The following GDPD4 variants were observed in gnomAD, a reference collection of about 807,000 sequenced individuals.
The protein encoded by GDPD4 is glycerophosphodiester phosphodiesterase 6.
A neutral mutation model predicts 67.8 loss-of-function variants in GDPD4; 60 were observed. The observed-to-expected ratio is 0.88, with a 90% CI of 0.72 to 1.10. GDPD4 has a LOEUF of 1.10. Ranked by LOEUF, GDPD4 falls within the 50% of genes least tolerant of loss-of-function variation. GDPD4 has a pLI of 0.00. For missense variants in GDPD4, 623 were observed against 613.9 expected, an observed-to-expected ratio of 1.01 and a Z score of -0.16; for synonymous variants, 212 against 210.9, an observed-to-expected ratio of 1.00 and a Z score of -0.04.
chr11:77,242,479 C>T (rs1958687543), intron 13 of GDPD4, among the ~76,000 whole-genome samples: 1 of 152,008 alleles, frequency 6.6e-6, no homozygotes, highest in Non-Finnish European at 1.5e-5. Context: ...CCAGCAGGTA[C>T]CACTGTTATT....
intron 11 of GDPD4, among the ~76,000 whole-genome samples, chr11:77,255,618 T>C (rs993634543): frequency 7.2e-5 from 11 of 152,024 alleles, no homozygotes; most frequent in Non-Finnish European, 1.3e-4. Context: ...CCCAGTACTT[T>C]GGGAGGCCAA....
chr11:77,260,637 T>C (rs1959097910), intron 10 of GDPD4, among the ~76,000 whole-genome samples: 1 of 152,100 alleles, frequency 6.6e-6, no homozygotes, highest in Non-Finnish European at 1.5e-5. Flanking sequence ...ACAAGGGTGT[T>C]AAACAGTGTA....
chr11:77,274,047 A>C (rs1030138614), intron 5 of GDPD4, among the ~76,000 whole-genome samples: 1 of 152,228 alleles, frequency 6.6e-6, no homozygotes, highest in Admixed American at 6.5e-5. Context: ...CAGGCAACAT[A>C]AGCATAGTTT....
At chr11:77,279,220 G>T in intron 4 of GDPD4, 86 bp downstream of exon 4, 1 of 813,332 alleles carries the variant, frequency 1.2e-6, no homozygotes, top group Non-Finnish European at 2.1e-6. Flanking sequence ...AGAGTCCCCA[G>T]TACCAACTGG....
chr11:77,287,195 T>C (rs1371537397), intron 2 of GDPD4, 23 bp downstream of exon 2: 1 of 152,206 alleles, frequency 6.6e-6, no homozygotes, highest in Non-Finnish European at 1.5e-5. Flanking sequence ...GAAAATGTGG[T>C]CCAGCTCCTT....
At chr11:77,292,411 A>G (rs985291355) in intron 1 of GDPD4, among the ~76,000 whole-genome samples, 4 of 152,148 alleles carry the variant, frequency 2.6e-5, no homozygotes, top group African/African-American at 9.7e-5. Context: ...ACTGAATAGA[A>G]ATGAAAACAC....
chr11:77,238,623 C>T (rs1160416767), intron 13 of GDPD4, among the ~76,000 whole-genome samples: 2 of 151,576 alleles, frequency 1.3e-5, no homozygotes, highest in Non-Finnish European at 2.9e-5. Flanking sequence ...TGAATTTCAC[C>T]TCAATACAAT....
intron 16 of GDPD4, among the ~76,000 whole-genome samples, chr11:77,222,607 G>T (rs1263179899): frequency 6.6e-6 from 1 of 152,224 alleles, no homozygotes; most frequent in African/African-American, 2.4e-5. Flanking sequence ...TCCGCTGTTA[G>T]TCTGATGGGC....
chr11:77,242,094 G>A (rs1182585938), intron 13 of GDPD4, among the ~76,000 whole-genome samples: 1 of 144 alleles, frequency 6.9e-3, no homozygotes, highest in Admixed American at 0.1. Flanking sequence ...GTTAGATAGA[G>A]GGAAATGTTT....
chr11:77,268,324 G>T, intron 10 of GDPD4, 133 bp downstream of exon 10: 1 of 669,152 alleles, frequency 1.5e-6, no homozygotes, highest in Non-Finnish European at 2.7e-6. Flanking sequence ...TGTAGTACAT[G>T]CATATATGCC....
At chr11:77,229,879 C>T (rs1014521600) in intron 14 of GDPD4, among the ~76,000 whole-genome samples, 4 of 152,178 alleles carry the variant, frequency 2.6e-5, no homozygotes, top group Non-Finnish European at 5.9e-5. Flanking sequence ...TCTGGGTCCT[C>T]TCATTGAGTT....
chr11:77,297,062 A>AC (rs1565550477), intron 1 of GDPD4, among the ~76,000 whole-genome samples: 1 of 137,930 alleles, frequency 7.3e-6, no homozygotes, highest in East Asian at 2.0e-4. Context: ...AAAAAAAACA[A>AC]AAAAAAAAAA....
chr11:77,275,691 G>A (rs936650090), intron 5 of GDPD4, among the ~76,000 whole-genome samples: 2 of 152,186 alleles, frequency 1.3e-5, no homozygotes, highest in African/African-American at 4.8e-5. Context: ...GGACCACCAT[G>A]CCCTCTCTGC....
intron 4 of GDPD4, among the ~76,000 whole-genome samples, chr11:77,276,594 T>C (rs1050542100): frequency 6.6e-6 from 1 of 152,208 alleles, no homozygotes; most frequent in African/African-American, 2.4e-5. Flanking sequence ...TTGGACTCAC[T>C]TGTAAGAGAA....
In GDPD4 at chr11:77,245,289, G is replaced by T; in HGVS notation, c.1078C>A (p.Gln360Lys). Reference sequence around the variant, plus strand: ...TACTGAGATAGACTTACCAGATGTTGCTCGATTTTAGAGGCAAGGATCACG... The same window carrying T: ...TACTGAGATAGACTTACCAGATGTTTCTCGATTTTAGAGGCAAGGATCACG... The part of the protein sequence containing the change: ...VSVILASKIE[Q>K]HLIFWLPAHD... Residue 360 changes from glutamine (Q) to lysine (K), a missense_variant, in exon 12 of 17, where the codon CAA (glutamine) becomes AAA (lysine). Gln to Lys is a moderately conservative substitution (Grantham distance 53). Transcript: ENST00000315938. The T allele has an allele frequency of 6.2e-7, 1 of 1,613,402 alleles. No individual in the cohort carries two copies. The highest frequency in any genetic ancestry group is 8.5e-7 in the Non-Finnish European group (1 of 1,179,364).
chr11:77,247,943 T>C (rs1958810142), intron 11 of GDPD4, among the ~76,000 whole-genome samples: 1 of 150,834 alleles, frequency 6.6e-6, no homozygotes, highest in African/African-American at 2.4e-5. Flanking sequence ...TCCCAGCTAC[T>C]TGGGAGGCTG....
chr11:77,267,912 TTTTC>T (rs1392483118), intron 10 of GDPD4, among the ~76,000 whole-genome samples: 1 of 152,006 alleles, frequency 6.6e-6, no homozygotes, highest in African/African-American at 2.4e-5. Flanking sequence ...CACAAATTTT[TTTTC>T]TTTTTTTTCC....
chr11:77,245,553 A>C (rs779877916), intron 11 of GDPD4, 51 bp from the exon 12 acceptor site: 5 of 1,290,466 alleles, frequency 3.9e-6, no homozygotes, highest in Non-Finnish European at 5.5e-6. Flanking sequence ...CAGTTCTCCT[A>C]CTATGTAGCC....
rs758407571 is a variant in GDPD4 at position 77,243,690 on chromosome 11, T to C, written c.1241+4A>G. Reference sequence around the variant, plus strand: ...TGCCAAGAGAGGTGTGGTCAAACACTTACCTTAACCCATTAGGGAACAACT... The same window carrying C: ...TGCCAAGAGAGGTGTGGTCAAACACCTACCTTAACCCATTAGGGAACAACT... On this transcript the variant is annotated splice_donor_region_variant and intron_variant, in intron 13 of 16. Coordinates refer to ENST00000315938, the MANE Select transcript of GDPD4 (RefSeq NM_182833.3). The C allele has an allele frequency of 6.2e-7, 1 of 1,609,524 alleles. No individual in the cohort carries two copies. Among genetic ancestry groups the C allele is most frequent in the Admixed American group, 1.7e-5 (1 of 59,970 alleles).
Sources: allele counts gnomAD v4.1 joint callset (sites outside exome capture counted in the v4.1 genomes callset), GRCh38; gene constraint gnomAD v4.1.1; transcripts MANE v1.5; gene names NCBI Gene and HGNC (gene_info 2026-07-23, HGNC 2026-07-21).